ADAMTS16: variants seen among roughly 807,000 people sequenced by gnomAD.
ADAMTS16 encodes ADAM metallopeptidase with thrombospondin type 1 motif 16.
Under a neutral mutation model 145.8 loss-of-function variants are expected in ADAMTS16, and 94 were observed. That is an observed-to-expected ratio of 0.64 (90% confidence interval 0.55 to 0.77). The LOEUF is 0.77. ADAMTS16 is among the 30% of genes least tolerant of loss of function. The probability of loss-of-function intolerance (pLI) is 0.00; values close to 1 mark genes in which losing one functional copy is unlikely to be tolerated. For synonymous variants in ADAMTS16, 659 were observed against 604.3 expected, an observed-to-expected ratio of 1.09 and a Z score of -1.33; for missense variants, 1,585 against 1,591.5, an observed-to-expected ratio of 1.00 and a Z score of 0.07.
chr5:5,275,884 G>A (rs913768531), intron 18 of ADAMTS16, among the ~76,000 whole-genome samples: 23 of 149,572 alleles, frequency 1.5e-4, no homozygotes, highest in African/African-American at 3.9e-4. Context: ...TTTTTAAGAC[G>A]GCGTCGTACT....
At chr5:5,203,641 C>T (rs1204736512) in intron 9 of ADAMTS16, among the ~76,000 whole-genome samples, 1 of 152,118 alleles carries the variant, frequency 6.6e-6, no homozygotes, top group African/African-American at 2.4e-5. Context: ...TTCCATTAAC[C>T]GACACAGACC....
chr5:5,222,783 C>A lies in ADAMTS16; in HGVS notation c.1606-6C>A, dbSNP rs571097948. 1 of 1,613,160 alleles carries A rather than the reference C, an allele frequency of 6.2e-7. No homozygotes were observed. Among genetic ancestry groups the A allele is most frequent in the East Asian group, 2.2e-5 (1 of 44,852 alleles). Reference sequence around the variant, plus strand: ...ATCCTAATGACCTTTTACAAAATTTCTTTAGGACATCTGTAAAGCCCTGTG... The same window carrying A: ...ATCCTAATGACCTTTTACAAAATTTATTTAGGACATCTGTAAAGCCCTGTG... On this transcript the variant is annotated splice_polypyrimidine_tract_variant and splice_region_variant and intron_variant, in intron 10 of 22. Coordinates refer to ENST00000274181, the MANE Select transcript of ADAMTS16 (RefSeq NM_139056.4).
At chr5:5,167,380 C>T (rs574584667) in intron 3 of ADAMTS16, among the ~76,000 whole-genome samples, 1 of 152,298 alleles carries the variant, frequency 6.6e-6, no homozygotes, top group East Asian at 1.9e-4. Context: ...CATAGGGTAT[C>T]TTATGTCCCA....
At chr5:5,193,714 T>C (rs1018934920) in intron 8 of ADAMTS16, among the ~76,000 whole-genome samples, 4 of 152,338 alleles carry the variant, frequency 2.6e-5, no homozygotes, top group Non-Finnish European at 4.4e-5. Flanking sequence ...TATTACTATT[T>C]CCTTTCCTCA....
chr5:5,224,239 T>C (rs1174256164), intron 11 of ADAMTS16, among the ~76,000 whole-genome samples: 3 of 152,146 alleles, frequency 2.0e-5, no homozygotes, highest in Non-Finnish European at 4.4e-5. Flanking sequence ...AGTGATCCAG[T>C]GATCCAGTTG....
At chr5:5,309,868 A>G (rs1463998233) in intron 21 of ADAMTS16, among the ~76,000 whole-genome samples, 2 of 149,358 alleles carry the variant, frequency 1.3e-5, no homozygotes, top group Non-Finnish European at 3.0e-5. Flanking sequence ...ATGTGATCAG[A>G]AGAGGGAGAG....
chr5:5,164,560 G>T (rs1019562974), intron 3 of ADAMTS16, among the ~76,000 whole-genome samples: 1 of 152,204 alleles, frequency 6.6e-6, no homozygotes, highest in Non-Finnish European at 1.5e-5. Context: ...CAATGCCCTG[G>T]GCACCAAGGA....
At chr5:5,220,662 G>A (rs1191832744) in intron 10 of ADAMTS16, among the ~76,000 whole-genome samples, 1 of 152,028 alleles carries the variant, frequency 6.6e-6, no homozygotes, top group East Asian at 1.9e-4. Context: ...TTTACTTCAG[G>A]TGCCAGGCCC....
chr5:5,208,660 G>T (rs1220890768), intron 9 of ADAMTS16, among the ~76,000 whole-genome samples: 1 of 152,138 alleles, frequency 6.6e-6, no homozygotes, highest in Admixed American at 6.5e-5. Flanking sequence ...GAAAAAGAAT[G>T]AAAAGCAAAG....
chr5:5,232,198 A>C (rs371064993), intron 11 of ADAMTS16, among the ~76,000 whole-genome samples, 170 bp from the exon 12 acceptor site: 2 of 148,226 alleles, frequency 1.3e-5, no homozygotes, highest in East Asian at 2.0e-4. Flanking sequence ...GAAAAAAAAA[A>C]CAACATTGAA....
intron 4 of ADAMTS16, among the ~76,000 whole-genome samples, chr5:5,185,813 G>A (rs981737597): frequency 7.2e-5 from 11 of 152,244 alleles, no homozygotes; most frequent in Admixed American, 5.9e-4. Context: ...TTTTAAATTA[G>A]GATGAAATTA....
intron 3 of ADAMTS16, among the ~76,000 whole-genome samples, chr5:5,164,500 C>T (rs1734814586): frequency 6.6e-6 from 1 of 152,158 alleles, no homozygotes. Flanking sequence ...TTGTGCTGCA[C>T]TGTTAGACTG....
intron 17 of ADAMTS16, among the ~76,000 whole-genome samples, chr5:5,257,202 T>C (rs772375981): frequency 3.3e-5 from 5 of 152,154 alleles, no homozygotes; most frequent in African/African-American, 7.2e-5. Context: ...CCTTAAGTAA[T>C]ACATAAAGAA....
At chr5:5,237,861 G>A (rs1265378495) in intron 14 of ADAMTS16, among the ~76,000 whole-genome samples, 1 of 152,132 alleles carries the variant, frequency 6.6e-6, no homozygotes, top group Non-Finnish European at 1.5e-5. Context: ...ACCCTGATTG[G>A]CAGAGGGAAG....
intron 21 of ADAMTS16, among the ~76,000 whole-genome samples, chr5:5,307,894 T>C (rs2126524685): frequency 6.6e-6 from 1 of 152,284 alleles, no homozygotes. Flanking sequence ...CTCTGCTCTA[T>C]ATCCCCACTT....
At chr5:5,235,329 T>C in intron 13 of ADAMTS16, 143 bp downstream of exon 13, 1 of 917,020 alleles carries the variant, frequency 1.1e-6, no homozygotes, top group Non-Finnish European at 1.5e-6. Context: ...TTCTGGAGGT[T>C]AGTTTTATTT....
At chr5:5,146,016 C>T (rs1251160679) in intron 2 of ADAMTS16, 114 bp from the exon 3 acceptor site, 11 of 909,600 alleles carry the variant, frequency 1.2e-5, no homozygotes, top group Non-Finnish European at 1.6e-5. Flanking sequence ...TTTTCTTCAT[C>T]ATTTTTGACT....
At chr5:5,246,501 A>G (rs909668151) in intron 17 of ADAMTS16, among the ~76,000 whole-genome samples, 13 of 152,232 alleles carry the variant, frequency 8.5e-5, no homozygotes, top group African/African-American at 2.7e-4. Flanking sequence ...TACTTTGCTG[A>G]TATCAAACCA....
In ADAMTS16 at chr5:5,170,275, A is replaced by G. The variant is rs192321960; in HGVS notation, c.502-11769A>G. ...GAGATAATATCACGCTGTAGTTTTG[A>G]TTTGCATTTCTCTAATTTTCGTATA... On this transcript the variant is annotated intron_variant, in intron 3 of 22. Coordinates refer to ENST00000274181, the MANE Select transcript of ADAMTS16 (RefSeq NM_139056.4). Among the ~76,000 whole-genome samples, 347 of 152,090 alleles carry G rather than the reference A, an allele frequency of 2.3e-3. 1 individual carries two copies. Among genetic ancestry groups the G allele is most frequent in the Middle Eastern group, 0.01 (3 of 294 alleles).
Sources: allele counts gnomAD v4.1 joint callset (sites outside exome capture counted in the v4.1 genomes callset), GRCh38; gene constraint gnomAD v4.1.1; transcripts MANE v1.5; gene names NCBI Gene and HGNC (gene_info 2026-07-23, HGNC 2026-07-21).